The following SMTN variants were observed in gnomAD, a reference collection of about 807,000 sequenced individuals.
SMTN encodes the protein smoothelin.
SMTN carries 58 observed loss-of-function variants against 102.0 expected under a neutral mutation model. The ratio of observed to expected loss-of-function variants is 0.57; its 90% CI spans 0.46 to 0.71. SMTN has a LOEUF of 0.71. Ranked by LOEUF, SMTN falls within the 30% of genes least tolerant of loss-of-function variation. The pLI is 0.00. For missense variants in SMTN, 1,185 were observed against 1,241.7 expected, an observed-to-expected ratio of 0.95 and a Z score of 0.69; for synonymous variants, 478 against 497.9, an observed-to-expected ratio of 0.96 and a Z score of 0.53.
rs559056543 is a variant in SMTN, at chr22:31,071,420, C to T, written c.-386+7233C>T. ...GGCTGAGGCAGGAGGATTGCTTGAG[C>T]CCAGGAGTTTGAGACCAGCTGGGCA... On this transcript the variant is annotated intron_variant, in intron 1 of 3. Transcript: ENST00000422839. Among the ~76,000 whole-genome samples, 16 of 152,064 alleles carry T rather than the reference C, an allele frequency of 1.1e-4. No individual in the cohort carries two copies. In the East Asian group the frequency reaches 2.9e-3, roughly 28 times the overall value.
Position 31,089,703 on chromosome 22 carries a change from C to G in SMTN, c.476C>G (p.Pro159Arg). 6.3e-7 allele frequency: 1 copy of G among 1,596,144 alleles called. No homozygotes were observed. The highest frequency in any genetic ancestry group is 8.5e-7 in the Non-Finnish European group (1 of 1,175,608). Residue 159 changes from proline to arginine, a missense_variant, in exon 7 of 21, where the codon CCA becomes CGA. Pro to Arg is a moderately radical substitution (Grantham distance 103). Around this residue, in one of 2 missense-constraint regions of SMTN, gnomAD observed 1,096 missense variants for 1,112.7 expected, o/e 0.98. Coordinates refer to ENST00000333137, the MANE Select transcript of SMTN (RefSeq NM_134269.3). ...AAHRLEQCEV[P>R]EREEQEQQAE... ...CATCCTGTGGGTCCCTTACAGGTGC[C>G]AGAGCGAGAGGAACAGGAACAGCAG... is the stretch of plus-strand genomic sequence containing the variant.
chr22:31,075,993 G>C (rs2042118363), intron 1 of SMTN, among the ~76,000 whole-genome samples: 1 of 146,726 alleles, frequency 6.8e-6, no homozygotes, highest in Non-Finnish European at 1.6e-5. Context: ...GTGCCATTTG[G>C]CTATTATTAG....
chr22:31,092,326 G>A (rs375798768), intron 11 of SMTN: 26 of 417,176 alleles, frequency 6.2e-5, no homozygotes, highest in African/African-American at 3.3e-4. Context: ...TAGCATCTGC[G>A]TCAACCTCCC....
intron 19 of SMTN, 35 bp from the exon 20 acceptor site, chr22:31,100,850 T>TACCCCCCCCCTTCCCCGC: frequency 3.1e-6 from 2 of 636,328 alleles, no homozygotes; most frequent in South Asian, 1.6e-5. Context: ...CCTGCCCCCG[T>TACCCCCCCCCTTCCCCGC]CCCCCACCCC....
In SMTN at chr22:31,095,329, C is replaced by T. The variant is rs765440532; in HGVS notation, c.1659C>T (p.Leu553=). 48 of 1,613,954 alleles carry T rather than the reference C, an allele frequency of 3.0e-5. No individual in the cohort carries two copies. Among genetic ancestry groups the T allele is most frequent in the East Asian group, 6.7e-5 (3 of 44,900 alleles). Residue 553 remains leucine, a synonymous_variant, in exon 12 of 21, where the codon CTC becomes CTT. Coordinates refer to ENST00000333137, the MANE Select transcript of SMTN (RefSeq NM_134269.3). This position sits in a 1 kb window ranked among gnomAD's most constrained non-coding sequence, Gnocchi z 4.1. The part of the protein sequence containing the change: ...IKMEAEPAEP[L]AAAVEAANGA... ...TGGAAGCAGAGCCAGCAGAGCCTCT[C>T]GCTGCAGCAGTGGAAGCGGCCAATG... is the stretch of plus-strand genomic sequence containing the variant.
At chr22:31,093,243 C>T (rs578059842) in intron 11 of SMTN, 3 of 265,524 alleles carry the variant, frequency 1.1e-5, no homozygotes, top group Admixed American at 5.0e-5. Context: ...TCCCCCACTG[C>T]CCCTTCCACG....
In SMTN at chr22:31,071,695, T is replaced by C. The variant is rs183555182; in HGVS notation, c.-386+7508T>C. On this transcript the variant is annotated intron_variant, in intron 1 of 3. Coordinates refer to the SMTN transcript ENST00000422839. ...AGCTCTCTCTTTCTCTCTCTCTCTC[T>C]CTTTTTTTTTTTTTTTTGGAGGCAG... 8.0e-4 allele frequency among the ~76,000 whole-genome samples: 71 copies of C among 89,158 alleles called. No individual in the cohort carries two copies. The East Asian group carries it at 0.022, about 27-fold the overall frequency. The allele number at this position is 89,158 out of a possible 152,430, so 58.5% of individuals were successfully genotyped here. A position where few individuals can be genotyped will look rare whatever the true frequency, so the allele number is the denominator to read the frequency against.
In SMTN at chr22:31,085,246, GTGTCTTCC is replaced by G. The variant is rs370593395; in HGVS notation, c.51+1939_51+1946del. 2.1e-3 allele frequency: 3,202 copies of G among 1,531,136 alleles called. 73 individuals are homozygous for G. In the African/African-American group the frequency reaches 0.04, roughly 19 times the overall value. The allele number at this position is 1,531,136 out of a possible 1,614,324, so 94.8% of individuals were successfully genotyped here. On this transcript the variant is annotated intron_variant, in intron 2 of 20. Coordinates refer to ENST00000333137, the MANE Select transcript of SMTN (RefSeq NM_134269.3). ...CGGACACTGAAGCAGGCGGTAGCGGGTGTCTTCCTACCTGGCTACCCCTTCGGCGCCTA... is the reference window on the plus strand; with the variant it reads ...CGGACACTGAAGCAGGCGGTAGCGGGTACCTGGCTACCCCTTCGGCGCCTA...
In SMTN at chr22:31,091,801, G is replaced by C; in HGVS notation, c.1586G>C (p.Ser529Thr). ...CTGGGCAGTGTCACTCATGTCACCA[G>C]CTTCAGCCATGCCCCCCCCAGTAGC... ...ARLGSVTHVT[S>T]FSHAPPSSRG... is the part of the protein sequence containing the mutation. The change falls in exon 11 of 21, where the codon AGC (serine) becomes ACC (threonine). Residue 529 changes from serine (S) to threonine (T), a missense_variant. Transcript: ENST00000333137. 3 of 1,606,932 alleles carry C rather than the reference G, an allele frequency of 1.9e-6. No individual in the cohort carries two copies. The highest frequency in any genetic ancestry group is 1.7e-6 in the Non-Finnish European group (2 of 1,176,528).
Position 31,099,887 on chromosome 22 carries a change from C to T in SMTN, c.2594C>T (p.Ser865Leu), listed in dbSNP as rs1417946064. The stretch of plus-strand genomic sequence containing the variant: ...CGCCAGAACTTCGAGGTGGCCTTCT[C>T]ATCTGCGGAGTAAGTGTGGGCCCTG... ...NRRQNFEVAFSSAETHADCPQ... is the reference protein window; with the variant it reads ...NRRQNFEVAFLSAETHADCPQ... Residue 865 changes from serine to leucine, a missense_variant, in exon 19 of 21, where the codon TCA becomes TTA. Physicochemically the swap from Ser to Leu is moderately radical, Grantham distance 145 (BLOSUM62 -2). Transcript: ENST00000333137. 1 of 1,613,864 alleles carries T rather than the reference C, an allele frequency of 6.2e-7. No homozygotes were observed. Among genetic ancestry groups the T allele is most frequent in the Non-Finnish European group, 8.5e-7 (1 of 1,179,900 alleles).
chr22:31,093,715 G>A (rs537716340), intron 11 of SMTN: 40 of 1,201,826 alleles, frequency 3.3e-5, no homozygotes, highest in African/African-American at 2.1e-4. Context: ...ACTTGTGTCC[G>A]GCCTTGAGCC....
rs2042435296 is a variant in SMTN, at chr22:31,083,299, T to C, written c.41T>C (p.Leu14Pro). The change falls in exon 2 of 21, where the codon CTT (leucine) becomes CCT (proline). Residue 14 changes from leucine to proline, a missense_variant. Transcript: ENST00000333137. ...TTAGCTGGGCTGGATGAGGGAGCCC[T>C]TCGGAAGCTGGTAAGTGGCCCCATC... is the stretch of plus-strand genomic sequence containing the variant. ...EALAGLDEGA[L>P]RKLLEVTADL... The C allele has an allele frequency of 6.4e-7, 1 of 1,574,412 alleles. No homozygotes were observed. The highest frequency in any genetic ancestry group is 1.2e-5 in the South Asian group (1 of 85,304).
At chr22:31,071,720 G>C (rs2042008882) in intron 1 of SMTN, among the ~76,000 whole-genome samples, 1 of 143,968 alleles carries the variant, frequency 6.9e-6, no homozygotes, top group African/African-American at 2.6e-5. Context: ...TTTGGAGGCA[G>C]AGTTTCACTC....
chr22:31,103,021 A>C (rs894299158), intron 20 of SMTN: 1 of 152,198 alleles, frequency 6.6e-6, no homozygotes, highest in African/African-American at 2.4e-5. Context: ...AAAGAGGGGG[A>C]AACAGTCATA....
Position 31,098,648 on chromosome 22 carries a change from G to T in SMTN, c.2160-19G>T. 1 of 1,610,854 alleles carries T rather than the reference G, an allele frequency of 6.2e-7. No homozygotes were observed. Among genetic ancestry groups the T allele is most frequent in the East Asian group, 2.2e-5 (1 of 44,814 alleles). ...CAGCCCTGCTCTCCCTGCCTAACAT[G>T]CGCCTCCCCAACCCCTAGCATCTTC... On this transcript the variant is annotated intron_variant, in intron 16 of 20. Coordinates refer to ENST00000333137, the MANE Select transcript of SMTN (RefSeq NM_134269.3).
At chr22:31,093,702 C>T in intron 11 of SMTN, 1 of 1,042,482 alleles carries the variant, frequency 9.6e-7, no homozygotes. Context: ...GGCTGGGGGT[C>T]CCACTTGTGT....
intron 1 of SMTN, among the ~76,000 whole-genome samples, chr22:31,068,889 G>A (rs1196779990): frequency 6.6e-6 from 1 of 152,196 alleles, no homozygotes; most frequent in Non-Finnish European, 1.5e-5. Flanking sequence ...GAGGTGATGT[G>A]TGAGTTAAGA....
chr22:31,088,339 G>T (rs1423682242), intron 3 of SMTN, 174 bp from the exon 4 acceptor site: 7 of 754,382 alleles, frequency 9.3e-6, no homozygotes, highest in Non-Finnish European at 1.3e-5. Context: ...TGAGTGTGTG[G>T]TATTAGTGCC....
At chr22:31,100,295 C>T (rs148133191) in intron 19 of SMTN, among the ~76,000 whole-genome samples, 10 of 152,256 alleles carry the variant, frequency 6.6e-5, no homozygotes, top group East Asian at 1.9e-4. Flanking sequence ...GCCCGGGCAC[C>T]GTGCCCGCCC....
Sources: allele counts gnomAD v4.1 joint callset (sites outside exome capture counted in the v4.1 genomes callset), GRCh38; gene constraint gnomAD v4.1.1; regional missense constraint gnomAD v4.1.1; non-coding constraint Gnocchi (gnomAD v3.1); transcripts MANE v1.5; gene names NCBI Gene and HGNC (gene_info 2026-07-23, HGNC 2026-07-21).